NRCAM: variants seen among roughly 807,000 people sequenced by gnomAD.
The protein encoded by NRCAM is neuronal cell adhesion molecule, also known as NgCAM-related cell adhesion molecule.
NRCAM carries 83 observed loss-of-function variants against 156.5 expected under a neutral mutation model. The observed-to-expected ratio is 0.53, with a 90% CI of 0.44 to 0.64. NRCAM has a LOEUF of 0.64. Among genes scored for constraint, NRCAM ranks in the 30% least tolerant of loss-of-function variants. The pLI is 0.00. For missense variants in NRCAM, 1,417 were observed against 1,597.3 expected (o/e 0.89, Z 1.92); for synonymous variants, 538 against 563.9 (o/e 0.95, Z 0.65).
intron 12 of NRCAM, 74 bp from the exon 13 acceptor site, chr7:108,207,733 T>C (rs906239620): frequency 2.2e-5 from 29 of 1,299,308 alleles, no homozygotes; most frequent in Admixed American, 1.9e-4. Context: ...TATTGAACTA[T>C]TTTAATAATA....
chr7:108,207,309 C>T, intron 13 of NRCAM: 1 of 379,772 alleles, frequency 2.6e-6, no homozygotes, highest in Non-Finnish European at 4.7e-6. Flanking sequence ...TTGCCAAGTA[C>T]CAGTCATCAC....
At chr7:108,190,336 A>C (rs2070437579) in intron 19 of NRCAM, among the ~76,000 whole-genome samples, 1 of 152,170 alleles carries the variant, frequency 6.6e-6, no homozygotes, top group Non-Finnish European at 1.5e-5. Context: ...GTCGAGATGA[A>C]GGTGTCCTAG....
At chr7:108,187,080 G>A (rs996880117) in intron 20 of NRCAM, among the ~76,000 whole-genome samples, 6 of 151,882 alleles carry the variant, frequency 4.0e-5, no homozygotes, top group Admixed American at 3.9e-4. Context: ...AGTACCACAG[G>A]GCACTTCAGT....
At chr7:108,400,026 G>C (rs576896420) in intron 1 of NRCAM, among the ~76,000 whole-genome samples, 9 of 152,130 alleles carry the variant, frequency 5.9e-5, no homozygotes, top group Non-Finnish European at 1.2e-4. Context: ...AAACAATGAA[G>C]AACTAAGTAT....
At chr7:108,243,003 T>C (rs1443973930) in intron 3 of NRCAM, 1 of 152,128 alleles carries the variant, frequency 6.6e-6, no homozygotes, top group African/African-American at 2.4e-5. Context: ...CAGTGTTTTA[T>C]AAAGAAAAAA....
intron 7 of NRCAM, 21 bp from the exon 8 acceptor site, chr7:108,231,174 T>C: frequency 6.5e-7 from 1 of 1,548,228 alleles, no homozygotes; most frequent in Non-Finnish European, 8.7e-7. Context: ...AAAAAATAAC[T>C]TCTCAGTTAT....
In NRCAM at chr7:108,282,221, T is replaced by A. The variant is rs925419645; in HGVS notation, c.-107+30444A>T. 5.3e-5 allele frequency among the ~76,000 whole-genome samples: 8 copies of A among 152,346 alleles called. No homozygotes were observed. In the East Asian group the frequency reaches 1.5e-3, roughly 29 times the overall value. ...AAATTAAGATTTCCAACAGAGAATG[T>A]AAGCAGGAAACCACTGTTAGGATTT... On this transcript the variant is annotated intron_variant, in intron 3 of 32. Coordinates refer to ENST00000379028, the MANE Select transcript of NRCAM (RefSeq NM_001037132.4).
chr7:108,368,625 A>C (rs749272919), intron 2 of NRCAM, among the ~76,000 whole-genome samples: 1 of 152,184 alleles, frequency 6.6e-6, no homozygotes, highest in Non-Finnish European at 1.5e-5. Flanking sequence ...CCTGACTTGA[A>C]AATTAAATTT....
chr7:108,219,624 GA>G (rs936230300), intron 11 of NRCAM, among the ~76,000 whole-genome samples: 8 of 152,118 alleles, frequency 5.3e-5, no homozygotes, highest in African/African-American at 2.4e-5. Context: ...AATAGATGCA[GA>G]AAAAGTATCT....
At chr7:108,365,596 C>T (rs532934750) in intron 2 of NRCAM, among the ~76,000 whole-genome samples, 1 of 150,200 alleles carries the variant, frequency 6.7e-6, no homozygotes, top group Non-Finnish European at 1.5e-5. Flanking sequence ...TTAATTTATT[C>T]TTCCTTCTCG....
chr7:108,163,701 C>T (rs1011363207), intron 30 of NRCAM, among the ~76,000 whole-genome samples: 1 of 151,718 alleles, frequency 6.6e-6, no homozygotes, highest in African/African-American at 2.4e-5. Context: ...TCTGGTCATA[C>T]CAGATGGGGT....
chr7:108,263,194 G>A (rs1459645168), intron 3 of NRCAM, among the ~76,000 whole-genome samples: 3 of 152,188 alleles, frequency 2.0e-5, no homozygotes, highest in Non-Finnish European at 4.4e-5. Context: ...TAGATTCCAG[G>A]AGGAATAACC....
At chr7:108,216,144 G>A (rs966763309) in intron 11 of NRCAM, among the ~76,000 whole-genome samples, 2 of 152,170 alleles carry the variant, frequency 1.3e-5, no homozygotes, top group African/African-American at 4.8e-5. Context: ...TGTCTGTAAA[G>A]GATTTTTATT....
At chr7:108,226,677 A>T (rs931117658) in intron 8 of NRCAM, among the ~76,000 whole-genome samples, 5 of 152,208 alleles carry the variant, frequency 3.3e-5, no homozygotes, top group African/African-American at 1.2e-4. Flanking sequence ...TGTTTTATAA[A>T]AAGTTGGCGT....
chr7:108,228,946 T>C (rs917747394), intron 8 of NRCAM, among the ~76,000 whole-genome samples: 7 of 152,036 alleles, frequency 4.6e-5, no homozygotes, highest in African/African-American at 1.7e-4. Flanking sequence ...CCAAAATGCA[T>C]CCCAGAACTT....
intron 2 of NRCAM, among the ~76,000 whole-genome samples, chr7:108,360,238 G>T (rs2099540149): frequency 6.6e-6 from 1 of 152,084 alleles, no homozygotes; most frequent in African/African-American, 2.4e-5. Context: ...AGAAGGAGAA[G>T]TGAGAAGGGA....
chr7:108,149,048 T>C lies in NRCAM; in HGVS notation c.*862A>G, dbSNP rs2040010934. On this transcript the variant is annotated 3_prime_UTR_variant, in exon 33 of 33. Coordinates refer to ENST00000379028, the MANE Select transcript of NRCAM (RefSeq NM_001037132.4). ...GGACCAGCTGATACAGAATGCACGA[T>C]GTTGTGGAATGCTTAATATCTGAAG... is the stretch of plus-strand genomic sequence containing the variant. The C allele has an allele frequency of 1.3e-5, 2 of 152,644 alleles. No homozygotes were observed. Among genetic ancestry groups the C allele is most frequent in the African/African-American group, 2.4e-5 (1 of 41,458 alleles). 9.5% of individuals were successfully genotyped at this position (152,644 alleles called of 1,614,324 possible).
rs116759419 is a variant in NRCAM, at chr7:108,184,839, T to C, written c.2036-225A>G. On this transcript the variant is annotated intron_variant, in intron 20 of 32. Coordinates refer to ENST00000379028, the MANE Select transcript of NRCAM (RefSeq NM_001037132.4). ...AGTGGAAAAATGGCATCTCACTGTA[T>C]TTAATTTAATTTCTCCTATTACAAA... Among the ~76,000 whole-genome samples the C allele has an allele frequency of 2.0e-3, 298 of 152,262 alleles. 1 individual carries two copies. The highest frequency in any genetic ancestry group is 6.6e-3 in the African/African-American group (275 of 41,574).
chr7:108,410,637 T>C (rs1486926360), intron 1 of NRCAM, among the ~76,000 whole-genome samples: 1 of 152,214 alleles, frequency 6.6e-6, no homozygotes, highest in African/African-American at 2.4e-5. Flanking sequence ...GATTTTACTT[T>C]AATACAGTAC....
Sources: allele counts gnomAD v4.1 joint callset (sites outside exome capture counted in the v4.1 genomes callset), GRCh38; gene constraint gnomAD v4.1.1; transcripts MANE v1.5; gene names NCBI Gene and HGNC (gene_info 2026-07-23, HGNC 2026-07-21).